Variants in CDH4 observed in about 807,000 individuals in gnomAD.
CDH4 encodes cadherin-4.
CDH4 carries 33 observed loss-of-function variants against 86.0 expected under a neutral mutation model. The observed-to-expected ratio is 0.38, with a 90% CI of 0.29 to 0.51. The LOEUF is 0.51. Ranked by LOEUF, CDH4 falls within the 20% of genes least tolerant of loss-of-function variation. The probability of loss-of-function intolerance (pLI) is 0.86; values close to 1 mark genes in which losing one functional copy is unlikely to be tolerated. For synonymous variants in CDH4, 555 were observed against 549.4 expected, an observed-to-expected ratio of 1.01 and a Z score of -0.14; for missense variants, 1,114 against 1,307.4, an observed-to-expected ratio of 0.85 and a Z score of 2.28.
chr20:61,590,167 A>C (rs1600787142), intron 2 of CDH4, among the ~76,000 whole-genome samples: 2 of 86,846 alleles, frequency 2.3e-5, no homozygotes, highest in Admixed American at 1.4e-4. Flanking sequence ...ACGTGGAGGG[A>C]TGGGTGGGGG....
chr20:61,413,291 G>A (rs1157704679), intron 2 of CDH4, among the ~76,000 whole-genome samples: 1 of 151,314 alleles, frequency 6.6e-6, no homozygotes, highest in South Asian at 2.1e-4. Flanking sequence ...GTTTCTCTTT[G>A]TACCTCCCAC....
intron 2 of CDH4, among the ~76,000 whole-genome samples, chr20:61,325,870 CG>C (rs1412018199): frequency 7.2e-5 from 11 of 152,184 alleles, no homozygotes; most frequent in African/African-American, 2.7e-4. Flanking sequence ...CTTCTTGCCA[CG>C]GGTGCCGACG....
intron 2 of CDH4, among the ~76,000 whole-genome samples, chr20:61,428,662 G>A (rs2085227930): frequency 6.6e-6 from 1 of 152,178 alleles, no homozygotes; most frequent in Non-Finnish European, 1.5e-5. Context: ...TGCCGGGATG[G>A]GCGTCCAGGA....
intron 4 of CDH4, among the ~76,000 whole-genome samples, chr20:61,808,957 G>A (rs1403566869): frequency 6.6e-6 from 1 of 152,234 alleles, no homozygotes; most frequent in Non-Finnish European, 1.5e-5. Context: ...TGACTTTCTA[G>A]ATTAAATACA....
At chr20:61,840,262 G>T (rs571808003) in intron 4 of CDH4, among the ~76,000 whole-genome samples, 171 of 152,246 alleles carry the variant, frequency 1.1e-3, no homozygotes, top group African/African-American at 3.8e-3. Context: ...CTTCCCGGTG[G>T]GTGGGTCTCT....
chr20:61,825,617 G>T (rs963496857), intron 4 of CDH4, among the ~76,000 whole-genome samples: 1 of 152,176 alleles, frequency 6.6e-6, no homozygotes, highest in Non-Finnish European at 1.5e-5. Context: ...AGGGGAAACT[G>T]AGGCAAAGAG....
chr20:61,550,291 C>T (rs538044001), intron 2 of CDH4, among the ~76,000 whole-genome samples: 2 of 139,708 alleles, frequency 1.4e-5, no homozygotes, highest in Non-Finnish European at 3.1e-5. Context: ...CCCTGGCCTC[C>T]CTGCCCCAAC....
chr20:61,389,928 C>G (rs576796131), intron 2 of CDH4, among the ~76,000 whole-genome samples: 1 of 149,956 alleles, frequency 6.7e-6, no homozygotes, highest in Non-Finnish European at 1.5e-5. Context: ...TAGGAAACCC[C>G]GATTGGGTTC....
intron 4 of CDH4, among the ~76,000 whole-genome samples, chr20:61,830,182 C>T (rs1241199284): frequency 1.3e-5 from 2 of 150,748 alleles, no homozygotes; most frequent in African/African-American, 4.9e-5. Flanking sequence ...TGAAATTGAG[C>T]ATGCCTCCTG....
At chr20:61,540,706 C>T (rs2086033638) in intron 2 of CDH4, among the ~76,000 whole-genome samples, 1 of 152,044 alleles carries the variant, frequency 6.6e-6, no homozygotes, top group Non-Finnish European at 1.5e-5. Context: ...TAAGATCTGA[C>T]TTTAGGATGA....
chr20:61,876,111 G>A lies in CDH4; in HGVS notation c.1050+2211G>A, dbSNP rs376075581. On this transcript the variant is annotated intron_variant, in intron 7 of 15. Coordinates refer to ENST00000614565, the MANE Select transcript of CDH4 (RefSeq NM_001794.5). The stretch of plus-strand genomic sequence containing the variant: ...TCCAGAGGTACAGATGGGATGGCAC[G>A]GCTGCCGGCTGTGTCCAAGGAGAGG... Among the ~76,000 whole-genome samples the A allele has an allele frequency of 3.7e-3, 558 of 152,360 alleles. 11 individuals carry two copies. In the South Asian group the frequency reaches 0.047, roughly 13 times the overall value.
At position 61,786,657 on chromosome 20, in the gene CDH4, T is replaced by G. The variant is rs1978897264; in HGVS notation, c.576+13475T>G. Among the ~76,000 whole-genome samples, 3 of 152,238 alleles carry G rather than the reference T, an allele frequency of 2.0e-5. No individual in the cohort carries two copies. In the South Asian group the frequency reaches 6.2e-4, roughly 32 times the overall value. On this transcript the variant is annotated intron_variant, in intron 4 of 15. Coordinates refer to ENST00000614565, the MANE Select transcript of CDH4 (RefSeq NM_001794.5). ...TGCTCAGATAATTTATTGGAGAATA[T>G]TCAATTCGAATATATTAATATTTTA...
intron 8 of CDH4, among the ~76,000 whole-genome samples, chr20:61,906,071 C>T (rs2054785042): frequency 6.6e-6 from 1 of 152,206 alleles, no homozygotes; most frequent in Non-Finnish European, 1.5e-5. Flanking sequence ...GTTACCATGC[C>T]CAGGCCAGAC....
chr20:61,876,367 A>G (rs566291129), intron 7 of CDH4, among the ~76,000 whole-genome samples: 1 of 152,266 alleles, frequency 6.6e-6, no homozygotes, highest in Non-Finnish European at 1.5e-5. Flanking sequence ...GGCTGGCTGC[A>G]TGCTGGCCGC....
At chr20:61,277,511 A>T (rs1039081829) in intron 2 of CDH4, among the ~76,000 whole-genome samples, 14 of 152,180 alleles carry the variant, frequency 9.2e-5, no homozygotes, top group African/African-American at 3.4e-4. Flanking sequence ...AATGAAAAGG[A>T]GAGGAGCCTT....
At position 61,876,671 on chromosome 20, in the gene CDH4, C is replaced by T. The variant is rs75827031; in HGVS notation, c.1050+2771C>T. Among the ~76,000 whole-genome samples the T allele has an allele frequency of 6.0e-3, 917 of 152,252 alleles. 8 individuals carry two copies. Among genetic ancestry groups the T allele is most frequent in the African/African-American group, 0.021 (885 of 41,532 alleles). Reference sequence around the variant, plus strand: ...CTGGGGATCTAAAGGGGACCATAGGCCACCTGCTCTGGCCTGCACTGGTTT... The same window carrying T: ...CTGGGGATCTAAAGGGGACCATAGGTCACCTGCTCTGGCCTGCACTGGTTT... On this transcript the variant is annotated intron_variant, in intron 7 of 15. Transcript: ENST00000614565.
At chr20:61,899,793 G>C (rs1362571000) in intron 8 of CDH4, among the ~76,000 whole-genome samples, 1 of 152,212 alleles carries the variant, frequency 6.6e-6, no homozygotes, top group Admixed American at 6.5e-5. Flanking sequence ...GGTCTCCGAG[G>C]ACAGGATGAG....
intron 2 of CDH4, among the ~76,000 whole-genome samples, chr20:61,555,738 T>A (rs1029138500): frequency 6.6e-6 from 1 of 152,224 alleles, no homozygotes; most frequent in Non-Finnish European, 1.5e-5. Flanking sequence ...GCAGAGCACA[T>A]TCCTTTATCA....
chr20:61,936,134 A>C, intron 15 of CDH4, among the ~76,000 whole-genome samples: 1 of 151,690 alleles, frequency 6.6e-6, no homozygotes, highest in Non-Finnish European at 1.5e-5. Context: ...CCAGGTTCTG[A>C]CTTCTGTCCA....
Sources: allele counts gnomAD v4.1 joint callset (sites outside exome capture counted in the v4.1 genomes callset), GRCh38; gene constraint gnomAD v4.1.1; transcripts MANE v1.5; gene names NCBI Gene and HGNC (gene_info 2026-07-23, HGNC 2026-07-21).